Variants in ITSN1 observed in about 807,000 individuals in gnomAD.
ITSN1 encodes intersectin-1.
A neutral mutation model predicts 239.8 loss-of-function variants in ITSN1; 58 were observed. That is an observed-to-expected ratio of 0.24 (90% CI 0.20 to 0.30). The LOEUF (loss-of-function observed/expected upper bound fraction) is 0.30, where lower values mean the gene tolerates loss of function less well. ITSN1 is among the 10% of genes least tolerant of loss of function. The pLI, the probability that ITSN1 is intolerant of heterozygous loss-of-function variation, is 1.00. For synonymous variants in ITSN1, 780 were observed against 770.8 expected, an observed-to-expected ratio of 1.01 and a Z score of -0.20; for missense variants, 1,558 against 2,103.3, an observed-to-expected ratio of 0.74 and a Z score of 5.07.
intron 36 of ITSN1, among the ~76,000 whole-genome samples, chr21:33,883,905 T>TG (rs1555973983): frequency 6.7e-6 from 1 of 149,552 alleles, no homozygotes; most frequent in African/African-American, 2.5e-5. Context: ...TTTTTTTTTT[T>TG]TTTTTTTTTT....
chr21:33,834,461 G>T (rs2074485542), intron 28 of ITSN1, 37 bp downstream of exon 28: 1 of 1,378,180 alleles, frequency 7.3e-7, no homozygotes, highest in Non-Finnish European at 1.0e-6. Flanking sequence ...AAGATGGTCT[G>T]CATGCCACTT....
chr21:33,858,653 C>A, intron 30 of ITSN1, 33 bp from the exon 31 acceptor site: 1 of 1,395,368 alleles, frequency 7.2e-7, no homozygotes, highest in Non-Finnish European at 1.0e-6. Flanking sequence ...AAGCTAACTG[C>A]TTTCTGAACT....
intron 26 of ITSN1, among the ~76,000 whole-genome samples, chr21:33,827,484 T>G (rs2074038218): frequency 6.6e-6 from 1 of 152,222 alleles, no homozygotes; most frequent in African/African-American, 2.4e-5. Context: ...CATGGAGCTG[T>G]AGGATTATGG....
rs550482566 is a variant in ITSN1, at chr21:33,739,250, T to A, written c.346+4046T>A. Among the ~76,000 whole-genome samples the A allele has an allele frequency of 3.3e-5, 5 of 152,320 alleles. No homozygotes were observed. The South Asian group carries it at 1.0e-3, about 32-fold the overall frequency. ...TTAGAGCACCCTGAAAATAGAATTT[T>A]CTATTGTAGGAAATTCTATGGGTAG... On this transcript the variant is annotated intron_variant, in intron 5 of 39. Transcript: ENST00000381318.
Position 33,751,905 on chromosome 21 carries a change from A to C in ITSN1, c.622A>C (p.Ser208Arg). 6.2e-7 allele frequency: 1 copy of C among 1,608,746 alleles called. No homozygotes were observed. The highest frequency in any genetic ancestry group is 8.5e-7 in the Non-Finnish European group (1 of 1,175,366). The change falls in exon 7 of 40, where the codon AGT becomes CGT. Residue 208 changes from serine to arginine, a missense_variant and splice_region_variant. Transcript: ENST00000381318. ...AAAGGCACAGTCATTTGATGTGGCCAGGTAAGTTTGCTTGTTTTTAAATGG... is the reference window on the plus strand; with the variant it reads ...AAAGGCACAGTCATTTGATGTGGCCCGGTAAGTTTGCTTGTTTTTAAATGG... ...LQKAQSFDVASVPPVAEWAVP... is the reference protein window; with the variant it reads ...LQKAQSFDVARVPPVAEWAVP...
chr21:33,670,742 TA>T (rs1462910857), intron 1 of ITSN1, among the ~76,000 whole-genome samples: 1 of 152,226 alleles, frequency 6.6e-6, no homozygotes, highest in Non-Finnish European at 1.5e-5. Context: ...ACTAACATGA[TA>T]ATAGTTCAGT....
intron 23 of ITSN1, among the ~76,000 whole-genome samples, chr21:33,819,019 A>G (rs1440781793): frequency 2.0e-5 from 3 of 152,214 alleles, no homozygotes; most frequent in Non-Finnish European, 4.4e-5. Flanking sequence ...TACATAAGCC[A>G]TGTGTCCAGT....
At chr21:33,648,425 C>A (rs1241457443) in intron 1 of ITSN1, among the ~76,000 whole-genome samples, 1 of 152,118 alleles carries the variant, frequency 6.6e-6, no homozygotes, top group Admixed American at 6.6e-5. Flanking sequence ...CATTTGGGTA[C>A]TTTTTATGTT....
chr21:33,652,459 A>G (rs540377923), intron 1 of ITSN1, among the ~76,000 whole-genome samples: 3 of 152,152 alleles, frequency 2.0e-5, no homozygotes, highest in East Asian at 3.9e-4. Flanking sequence ...AATGTGTTGT[A>G]TTTGCAGCCT....
At chr21:33,866,310 C>A (rs141873965) in intron 32 of ITSN1, among the ~76,000 whole-genome samples, 1 of 152,176 alleles carries the variant, frequency 6.6e-6, no homozygotes, top group Non-Finnish European at 1.5e-5. Context: ...AAGAAGGAGG[C>A]CTTGGGTGGA....
intron 29 of ITSN1, among the ~76,000 whole-genome samples, chr21:33,850,563 C>T (rs1391565509): frequency 6.6e-6 from 1 of 152,212 alleles, no homozygotes; most frequent in African/African-American, 2.4e-5. Context: ...GGTCTAGCAA[C>T]CAGCAGGCTC....
At chr21:33,835,500 G>A (rs2074549493) in intron 28 of ITSN1, among the ~76,000 whole-genome samples, 2 of 152,198 alleles carry the variant, frequency 1.3e-5, no homozygotes, top group Non-Finnish European at 2.9e-5. Context: ...AAGTAGAAGT[G>A]CCAAAGAATG....
intron 1 of ITSN1, among the ~76,000 whole-genome samples, chr21:33,712,618 G>A (rs192906067): frequency 1.6e-4 from 25 of 152,242 alleles, no homozygotes; most frequent in Admixed American, 1.2e-3. Context: ...CACAAAGACC[G>A]TGTTTCTGTT....
At chr21:33,812,450 G>A (rs1024439440) in intron 21 of ITSN1, among the ~76,000 whole-genome samples, 5 of 152,086 alleles carry the variant, frequency 3.3e-5, no homozygotes, top group Non-Finnish European at 7.4e-5. Flanking sequence ...AAAGTAAATT[G>A]CCTTTAGATC....
At position 33,875,501 on chromosome 21, in the gene ITSN1, C is replaced by G; in HGVS notation, c.4321C>G (p.Gln1441Glu). 6.2e-7 allele frequency: 1 copy of G among 1,614,098 alleles called. No individual in the cohort carries two copies. The highest frequency in any genetic ancestry group is 8.5e-7 in the Non-Finnish European group (1 of 1,179,986). Residue 1441 changes from glutamine to glutamate, a missense_variant, in exon 34 of 40, where the codon CAG becomes GAG. Transcript: ENST00000381318. ...GCTGGAGTGGATCCAGGCCCACGTG[C>G]AGTGTGAAGGCCTGTCTGAGGTAGC... ...DRLEWIQAHV[Q>E]CEGLSEQLVF...
chr21:33,885,521 T>C lies in ITSN1; in HGVS notation c.4842T>C (p.His1614=), dbSNP rs1985637669. 1.2e-6 allele frequency: 2 copies of C among 1,613,716 alleles called. No individual in the cohort carries two copies. Among genetic ancestry groups the C allele is most frequent in the East Asian group, 4.5e-5 (2 of 44,860 alleles). The change falls in exon 38 of 40, where the codon CAT becomes CAC. Residue 1614 remains histidine, a splice_region_variant and synonymous_variant. Coordinates refer to ENST00000381318, the MANE Select transcript of ITSN1 (RefSeq NM_003024.3). ...EGIELKPCRS[H]GKSNPYCEVT... ...TCGAGTTGAAACCCTGTCGGTCACA[T>C]GGTAAGGCTGTGAGGCGCCCCCGGC...
chr21:33,729,054 C>T (rs968255800), intron 4 of ITSN1, among the ~76,000 whole-genome samples: 3 of 152,214 alleles, frequency 2.0e-5, no homozygotes, highest in Non-Finnish European at 4.4e-5. Flanking sequence ...TAGGTGCCAA[C>T]ACTGCAGGGA....
chr21:33,700,073 T>TG (rs2091943601), intron 1 of ITSN1, among the ~76,000 whole-genome samples: 7 of 150,152 alleles, frequency 4.7e-5, no homozygotes, highest in African/African-American at 1.8e-4. Context: ...AATTGTTTTT[T>TG]TTTTGTTGTT....
At chr21:33,868,542 C>T (rs1427061909) in intron 33 of ITSN1, among the ~76,000 whole-genome samples, 1 of 152,242 alleles carries the variant, frequency 6.6e-6, no homozygotes, top group Non-Finnish European at 1.5e-5. Flanking sequence ...AGTACACCCT[C>T]CGCAGCCGCT....
Sources: gnomAD v4.1 joint callset for allele counts (sites outside exome capture counted in the v4.1 genomes callset) on GRCh38, gnomAD v4.1.1 for gene constraint, MANE v1.5 for transcripts, NCBI Gene and HGNC (gene_info 2026-07-23, HGNC 2026-07-21) for gene names.